The following ACSL1 variants were observed in gnomAD, a reference collection of about 807,000 sequenced individuals.
The protein encoded by ACSL1 is long-chain-fatty-acid--CoA ligase 1.
ACSL1 carries 41 observed loss-of-function variants against 98.4 expected under a neutral mutation model. The ratio of observed to expected loss-of-function variants is 0.42; its 90% CI spans 0.32 to 0.54. The LOEUF is 0.54. ACSL1 is among the 20% of genes least tolerant of loss of function. ACSL1 has a pLI of 0.13. For synonymous variants in ACSL1, 316 were observed against 322.7 expected (o/e 0.98, Z 0.22); for missense variants, 734 against 883.1 (o/e 0.83, Z 2.14).
rs553211849 is a variant in ACSL1, at chr4:184,766,146, G to C, written c.1264-160C>G. Among the ~76,000 whole-genome samples the C allele has an allele frequency of 6.6e-5, 10 of 152,356 alleles. No homozygotes were observed. The highest frequency in any genetic ancestry group is 1.7e-4 in the African/African-American group (7 of 41,596). On this transcript the variant is annotated intron_variant, in intron 13 of 20. Coordinates refer to ENST00000281455, the MANE Select transcript of ACSL1 (RefSeq NM_001995.5). This position sits in a 1 kb window ranked among gnomAD's most constrained non-coding sequence, Gnocchi z 4.8. ...TCACAGCCCTCATGATGGCAGCACAGGGCTACGGTTTGTTTCCACCCGTGA... is the reference window on the plus strand; with the variant it reads ...TCACAGCCCTCATGATGGCAGCACACGGCTACGGTTTGTTTCCACCCGTGA...
chr4:184,815,785 G>C (rs1195942727), intron 1 of ACSL1, among the ~76,000 whole-genome samples: 1 of 152,070 alleles, frequency 6.6e-6, no homozygotes, highest in Admixed American at 6.6e-5. Flanking sequence ...CTTCTGAGTT[G>C]AGTTTTTACA....
intron 2 of ACSL1, among the ~76,000 whole-genome samples, chr4:184,799,318 T>C (rs72695672): frequency 0.049 from 7,452 of 152,032 alleles, 200 homozygotes; most frequent in Middle Eastern, 0.082. Flanking sequence ...GGTTTCACTA[T>C]ATTGGTCAGG....
At chr4:184,824,710 A>C (rs1773326876) in intron 1 of ACSL1, among the ~76,000 whole-genome samples, 1 of 152,166 alleles carries the variant, frequency 6.6e-6, no homozygotes, top group African/African-American at 2.4e-5. Flanking sequence ...GTCTGGCTCC[A>C]ATCTGATGGC....
chr4:184,765,794 AACACACAC>A, intron 14 of ACSL1, 89 bp downstream of exon 14: 1 of 917,934 alleles, frequency 1.1e-6, no homozygotes, highest in Admixed American at 2.7e-5. Context: ...ATTAAGAAAG[AACACACAC>A]ACACACACAC....
intron 14 of ACSL1, among the ~76,000 whole-genome samples, chr4:184,765,513 G>A (rs114033753): frequency 0.049 from 7,528 of 152,138 alleles, 260 homozygotes; most frequent in Non-Finnish European, 0.072. Flanking sequence ...AAGGATAGGG[G>A]TGATGTTGGT....
chr4:184,796,195 G>A (rs550536230), intron 2 of ACSL1, among the ~76,000 whole-genome samples: 48 of 152,260 alleles, frequency 3.2e-4, no homozygotes, highest in African/African-American at 1.0e-3. Context: ...TCTTTCTCCC[G>A]TGCTGGATGC....
At chr4:184,806,053 C>T (rs930571359) in intron 1 of ACSL1, among the ~76,000 whole-genome samples, 1 of 152,230 alleles carries the variant, frequency 6.6e-6, no homozygotes, top group Non-Finnish European at 1.5e-5. Context: ...GAGCTACTCC[C>T]GTCACTGCAT....
chr4:184,776,382 G>T, intron 7 of ACSL1, 102 bp downstream of exon 7: 1 of 1,346,354 alleles, frequency 7.4e-7, no homozygotes, highest in Non-Finnish European at 1.0e-6. Flanking sequence ...ACCGGCCAGC[G>T]CTGGGACTGC....
intron 2 of ACSL1, among the ~76,000 whole-genome samples, chr4:184,795,018 C>A (rs1421426707): frequency 2.6e-5 from 4 of 152,106 alleles, no homozygotes; most frequent in Non-Finnish European, 5.9e-5. Flanking sequence ...CAGCTGACCA[C>A]AAACCCGCCT....
intron 1 of ACSL1, among the ~76,000 whole-genome samples, chr4:184,820,793 CG>C (rs1561252435): frequency 6.6e-6 from 1 of 151,858 alleles, no homozygotes; most frequent in African/African-American, 2.4e-5. Context: ...TTAGTAGAGA[CG>C]GGGTTTCACC....
intron 18 of ACSL1, chr4:184,758,823 G>A (rs1332738739): frequency 6.6e-6 from 1 of 151,790 alleles, no homozygotes; most frequent in Non-Finnish European, 1.5e-5. Flanking sequence ...GTGCAGGTTA[G>A]TGCCATGTTG....
chr4:184,825,902 G>C lies in ACSL1; in HGVS notation c.-33+14C>G, dbSNP rs997033123. On this transcript the variant is annotated intron_variant, in intron 1 of 20. Coordinates refer to ENST00000281455, the MANE Select transcript of ACSL1 (RefSeq NM_001995.5). The surrounding 1 kb of genome is among the most constrained non-coding windows in gnomAD (Gnocchi z 4.7). ...GCGGGAGCAGGCGCGGCTCCGCACG[G>C]CGGGCGCACTCACCTCCTCCGTGGA... 6.7e-6 allele frequency: 1 copy of C among 148,470 alleles called. No individual in the cohort carries two copies. Among genetic ancestry groups the C allele is most frequent in the African/African-American group, 2.4e-5 (1 of 41,084 alleles). 9.2% of individuals were successfully genotyped at this position (148,470 alleles called of 1,614,324 possible).
In ACSL1 at chr4:184,762,292, A is replaced by G. The variant is rs1468578327; in HGVS notation, c.1638+115T>C. The G allele has an allele frequency of 2.1e-5, 18 of 843,484 alleles. 1 individual carries two copies. The highest frequency in any genetic ancestry group is 3.7e-5 in the Non-Finnish European group (18 of 489,324). 52.2% of individuals were successfully genotyped at this position (843,484 alleles called of 1,614,324 possible). ...ACATCATACCACTCACCAAGGAGGA[A>G]GGGAAAGAGAAAATTCAGGGTGCCA... On this transcript the variant is annotated intron_variant, in intron 17 of 20. Transcript: ENST00000281455.
chr4:184,813,199 A>C (rs999270629), intron 1 of ACSL1, among the ~76,000 whole-genome samples: 3 of 152,176 alleles, frequency 2.0e-5, no homozygotes, highest in Admixed American at 1.3e-4. Context: ...AGCAGGGCTA[A>C]ATTTTGGCGG....
In ACSL1 at chr4:184,796,217, G is replaced by A. The variant is rs937840146; in HGVS notation, c.195+7103C>T. On this transcript the variant is annotated intron_variant, in intron 2 of 20. Transcript: ENST00000281455. ...CCCGTGCTGGATGCTTCCTGCCCTC[G>A]AACATCAGACTCCAAGTCCTTCAGC... is the stretch of plus-strand genomic sequence containing the variant. Among the ~76,000 whole-genome samples the A allele has an allele frequency of 3.9e-5, 6 of 152,162 alleles. No individual in the cohort carries two copies. The South Asian group carries it at 6.2e-4, about 16-fold the overall frequency.
rs376162252 is a variant in ACSL1 at position 184,779,050 on chromosome 4, T to C, written c.477+1282A>G. Reference sequence around the variant, plus strand: ...TTCAAGCCAGATGCTTCCATTTTTCTAAGCCAGCTAGATCTACTAATCTAT... The same window carrying C: ...TTCAAGCCAGATGCTTCCATTTTTCCAAGCCAGCTAGATCTACTAATCTAT... On this transcript the variant is annotated intron_variant, in intron 5 of 20. Transcript: ENST00000281455. Among the ~76,000 whole-genome samples, 122 of 152,340 alleles carry C rather than the reference T, an allele frequency of 8.0e-4. No homozygotes were observed. In the Middle Eastern group the frequency reaches 0.02, roughly 25 times the overall value.
At position 184,773,121 on chromosome 4, in the gene ACSL1, T is replaced by C. The variant is rs143729144; in HGVS notation, c.875A>G (p.Asn292Ser). 1.4e-5 allele frequency: 23 copies of C among 1,613,956 alleles called. No homozygotes were observed. In the African/African-American group the frequency reaches 2.3e-4, roughly 16 times the overall value. ...NPKGAMVTHR[N>S]IVSDCSAFVK... is the part of the protein sequence containing the mutation. ...AAAAGCTGAACAATCGCTCACTATG[T>C]TTCGGTGAGTGACCATTGCTCCTTT... The change falls in exon 10 of 21, where the codon AAC becomes AGC. Residue 292 changes from asparagine to serine, a missense_variant. Transcript: ENST00000281455. The surrounding 1 kb of genome is among the most constrained non-coding windows in gnomAD (Gnocchi z 4.3).
intron 3 of ACSL1, chr4:184,788,409 T>G (rs1295088019): frequency 1.5e-6 from 1 of 665,464 alleles, no homozygotes; most frequent in East Asian, 2.9e-5. Flanking sequence ...ACTCACATAT[T>G]TGACCATGGA....
chr4:184,795,466 CCTTT>C (rs1470539522), intron 2 of ACSL1, among the ~76,000 whole-genome samples: 1 of 152,150 alleles, frequency 6.6e-6, no homozygotes, highest in Non-Finnish European at 1.5e-5. Flanking sequence ...TCTGTAGTGA[CCTTT>C]AGCTTTTTCT....
Sources: gnomAD v4.1 joint callset for allele counts (sites outside exome capture counted in the v4.1 genomes callset) on GRCh38, gnomAD v4.1.1 for gene constraint, Gnocchi (gnomAD v3.1) non-coding constraint, MANE v1.5 for transcripts, NCBI Gene and HGNC (gene_info 2026-07-23, HGNC 2026-07-21) for gene names.